The following HEBP2 variants were observed in gnomAD, a reference collection of about 807,000 sequenced individuals.
HEBP2 encodes the protein heme binding protein 2, also known as heme-binding protein 2.
A neutral mutation model predicts 23.1 loss-of-function variants in HEBP2; 27 were observed. The ratio of observed to expected loss-of-function variants is 1.17; its 90% CI spans 0.86 to 1.61. The LOEUF is 1.61. Ranked by LOEUF, HEBP2 falls within the 40% of genes most tolerant of loss-of-function variation. HEBP2 has a pLI of 0.00. For missense variants in HEBP2, 245 were observed against 253.8 expected (o/e 0.97, Z 0.24); for synonymous variants, 99 against 95.1 (o/e 1.04, Z -0.24).
rs1774840641 is a variant in HEBP2, at chr6:138,416,264, T to G, written c.*3186T>G. The G allele has an allele frequency of 6.6e-6, 1 of 152,302 alleles. No homozygotes were observed. Among genetic ancestry groups the G allele is most frequent in the Non-Finnish European group, 1.5e-5 (1 of 68,106 alleles). 9.4% of individuals were successfully genotyped at this position (152,302 alleles called of 1,614,324 possible). A position where few individuals can be genotyped will look rare whatever the true frequency, so the allele number is the denominator to read the frequency against. ...ATGCCAGGAGATAATACAGACTCACTGCTCTAGGGCAGCTTGGTAGAAGCC... is the reference window on the plus strand; with the variant it reads ...ATGCCAGGAGATAATACAGACTCACGGCTCTAGGGCAGCTTGGTAGAAGCC... On this transcript the variant is annotated 3_prime_UTR_variant, in exon 4 of 4. Transcript: ENST00000607197.
rs1774883661 is a variant in HEBP2 at position 138,419,360 on chromosome 6, A to G, written c.*6282A>G. Reference sequence around the variant, plus strand: ...TCTTTCCTAGAAGCACCAGCAGTTTATTCACACAAGGACAGACTTCCTATT... The same window carrying G: ...TCTTTCCTAGAAGCACCAGCAGTTTGTTCACACAAGGACAGACTTCCTATT... On this transcript the variant is annotated 3_prime_UTR_variant, in exon 4 of 4. Coordinates refer to ENST00000607197, the MANE Select transcript of HEBP2 (RefSeq NM_014320.3). The G allele has an allele frequency of 2.6e-5, 4 of 152,252 alleles. No homozygotes were observed. 9.4% of individuals were successfully genotyped at this position (152,252 alleles called of 1,614,324 possible).
At chr6:138,408,888 C>A (rs970179528) in intron 3 of HEBP2, among the ~76,000 whole-genome samples, 10 of 152,172 alleles carry the variant, frequency 6.6e-5, no homozygotes, top group African/African-American at 2.4e-4. Flanking sequence ...GATTTCCCTA[C>A]TTGTTGGACA....
Position 138,417,348 on chromosome 6 carries a change from T to G in HEBP2, c.*4270T>G, listed in dbSNP as rs1302006389. 6.6e-6 allele frequency: 1 copy of G among 152,200 alleles called. No homozygotes were observed. The highest frequency in any genetic ancestry group is 1.5e-5 in the Non-Finnish European group (1 of 68,032). 9.4% of individuals were successfully genotyped at this position (152,200 alleles called of 1,614,324 possible). On this transcript the variant is annotated 3_prime_UTR_variant, in exon 4 of 4. Coordinates refer to ENST00000607197, the MANE Select transcript of HEBP2 (RefSeq NM_014320.3). ...TCAGGGCAGTAAACCATAATAAATA[T>G]TGCCTTGAACAGTATTTTTTAAGCA... is the stretch of plus-strand genomic sequence containing the variant.
chr6:138,412,769 T>C (rs991556376), intron 3 of HEBP2, 111 bp from the exon 4 acceptor site: 1 of 901,872 alleles, frequency 1.1e-6, no homozygotes, highest in Admixed American at 2.2e-5. Context: ...GGAGTAACTT[T>C]GGAGCTGCAC....
chr6:138,405,121 G>T (rs759522784), intron 1 of HEBP2, 24 bp from the exon 2 acceptor site: 1 of 1,602,886 alleles, frequency 6.2e-7, no homozygotes, highest in East Asian at 2.2e-5. Context: ...ATTGCTTCTC[G>T]AAGTTTTCTC....
rs759522784 is a variant in HEBP2, at chr6:138,405,121, G to A, written c.103-24G>A. On this transcript the variant is annotated intron_variant, in intron 1 of 3. Transcript: ENST00000607197. Reference sequence around the variant, plus strand: ...TCCTACCCTCTTAGAATTGCTTCTCGAAGTTTTCTCTGTTCCACTTTAGCC... The same window carrying A: ...TCCTACCCTCTTAGAATTGCTTCTCAAAGTTTTCTCTGTTCCACTTTAGCC... The A allele has an allele frequency of 1.7e-5, 27 of 1,602,886 alleles. No individual in the cohort carries two copies. In the Admixed American group the frequency reaches 4.4e-4, roughly 26 times the overall value.
intron 3 of HEBP2, among the ~76,000 whole-genome samples, chr6:138,410,317 C>G (rs1774722523): frequency 6.6e-6 from 1 of 152,180 alleles, no homozygotes; most frequent in Non-Finnish European, 1.5e-5. Flanking sequence ...TGTGAAACAA[C>G]ACACAGTCAG....
rs9484159 is a variant in HEBP2, at chr6:138,414,140, G to C, written c.*1062G>C. 33,287 of 152,398 alleles carry C rather than the reference G, an allele frequency of 0.22. 6,230 individuals are homozygous for C. Among genetic ancestry groups the C allele is most frequent in the African/African-American group, 0.52 (21,352 of 41,414 alleles). 9.4% of individuals were successfully genotyped at this position (152,398 alleles called of 1,614,324 possible). ...AGATGAAAGCCAGGGGCAGAGGTGA[G>C]GGGAGCATCTTGGGCAGAGGTGACA... On this transcript the variant is annotated 3_prime_UTR_variant, in exon 4 of 4. Transcript: ENST00000607197.
chr6:138,411,867 C>T (rs1276884844), intron 3 of HEBP2, among the ~76,000 whole-genome samples: 4 of 151,490 alleles, frequency 2.6e-5, no homozygotes. Flanking sequence ...GGGAGGACTG[C>T]TTGAGCCCAG....
chr6:138,404,077 G>A (rs925987822), upstream of HEBP2: 1 of 218,424 alleles, frequency 4.6e-6, no homozygotes, highest in Admixed American at 5.8e-5. Flanking sequence ...GCGGGGCCGC[G>A]GCAGAGGTTC....
chr6:138,414,126 A>AG lies in HEBP2; in HGVS notation c.*1052dup, dbSNP rs1297942117. 6.6e-6 allele frequency: 1 copy of AG among 152,576 alleles called. No individual in the cohort carries two copies. The highest frequency in any genetic ancestry group is 1.5e-5 in the Non-Finnish European group (1 of 68,292). 9.5% of individuals were successfully genotyped at this position (152,576 alleles called of 1,614,324 possible). A position where few individuals can be genotyped will look rare whatever the true frequency, so the allele number is the denominator to read the frequency against. ...GACGAGGATGAGTCAGATGAAAGCC[A>AG]GGGGCAGAGGTGAGGGGAGCATCTT... is the stretch of plus-strand genomic sequence containing the variant. On this transcript the variant is annotated 3_prime_UTR_variant, in exon 4 of 4. Transcript: ENST00000607197.
At chr6:138,409,652 A>G (rs1583103919) in intron 3 of HEBP2, among the ~76,000 whole-genome samples, 1 of 152,142 alleles carries the variant, frequency 6.6e-6, no homozygotes, top group African/African-American at 2.4e-5. Context: ...TGGAACTGTC[A>G]TCTTTCTTAC....
intron 3 of HEBP2, 59 bp downstream of exon 3, chr6:138,406,210 A>G: frequency 1.4e-6 from 2 of 1,444,798 alleles, no homozygotes; most frequent in African/African-American, 1.4e-5. Flanking sequence ...GTGCACTCAC[A>G]GTTTAGCTCC....
chr6:138,408,511 G>A (rs149492679), intron 3 of HEBP2, among the ~76,000 whole-genome samples: 56 of 151,662 alleles, frequency 3.7e-4, no homozygotes, highest in African/African-American at 1.2e-3. Flanking sequence ...GGCCTTTACC[G>A]CAAATCACCA....
At chr6:138,407,664 G>C (rs1774672818) in intron 3 of HEBP2, among the ~76,000 whole-genome samples, 1 of 152,242 alleles carries the variant, frequency 6.6e-6, no homozygotes, top group Non-Finnish European at 1.5e-5. Flanking sequence ...CCCTATTGGG[G>C]ACTCACTGCA....
intron 3 of HEBP2, among the ~76,000 whole-genome samples, chr6:138,410,674 C>T (rs971222171): frequency 6.6e-6 from 1 of 152,022 alleles, no homozygotes; most frequent in Non-Finnish European, 1.5e-5. Flanking sequence ...TTAGTAGAGA[C>T]GGGGTTTCAC....
At chr6:138,406,572 G>C (rs764644069) in intron 3 of HEBP2, among the ~76,000 whole-genome samples, 11 of 152,180 alleles carry the variant, frequency 7.2e-5, no homozygotes, top group Non-Finnish European at 1.3e-4. Context: ...GGTGCTGGCA[G>C]TTTCAGTGAC....
intron 3 of HEBP2, among the ~76,000 whole-genome samples, chr6:138,406,375 A>G (rs1000101098): frequency 1.2e-4 from 18 of 152,250 alleles, no homozygotes; most frequent in African/African-American, 4.3e-4. Flanking sequence ...CCTTCATATA[A>G]GACACGGTGC....
At position 138,422,056 on chromosome 6, in the gene HEBP2, TG is replaced by T. The variant is rs1229790288; in HGVS notation, c.*8979del. 1.3e-5 allele frequency: 2 copies of T among 152,260 alleles called. No individual in the cohort carries two copies. The highest frequency in any genetic ancestry group is 4.8e-5 in the African/African-American group (2 of 41,474). The allele number at this position is 152,260 out of a possible 1,614,324, so 9.4% of individuals were successfully genotyped here. A position where few individuals can be genotyped will look rare whatever the true frequency, so the allele number is the denominator to read the frequency against. On this transcript the variant is annotated 3_prime_UTR_variant, in exon 4 of 4. Transcript: ENST00000607197. ...ATATTTCAAATATTTACTTTACAATTGTTTTATTCAAAGGAAATTAAATACA... is the reference window on the plus strand; with the variant it reads ...ATATTTCAAATATTTACTTTACAATTTTTTATTCAAAGGAAATTAAATACA...
Sources: gnomAD v4.1 joint callset for allele counts (sites outside exome capture counted in the v4.1 genomes callset) on GRCh38, gnomAD v4.1.1 for gene constraint, MANE v1.5 for transcripts, NCBI Gene and HGNC (gene_info 2026-07-23, HGNC 2026-07-21) for gene names.